Variants in TASP1 observed in about 807,000 individuals in gnomAD.
The protein encoded by TASP1 is threonine aspartase 1.
A neutral mutation model predicts 56.6 loss-of-function variants in TASP1; 16 were observed. The ratio of observed to expected loss-of-function variants is 0.28; its 90% CI spans 0.19 to 0.43. The LOEUF is 0.43. Among genes scored for constraint, TASP1 ranks in the 20% least tolerant of loss-of-function variants. The pLI, the probability that TASP1 is intolerant of heterozygous loss-of-function variation, is 1.00. For missense variants in TASP1, 393 were observed against 511.6 expected, an observed-to-expected ratio of 0.77 and a Z score of 2.24; for synonymous variants, 179 against 184.2, an observed-to-expected ratio of 0.97 and a Z score of 0.23.
Position 13,417,511 on chromosome 20 carries a change from C to A in TASP1, c.1107G>T (p.Leu369=), listed in dbSNP as rs1467090076. The A allele has an allele frequency of 6.2e-7, 1 of 1,614,138 alleles. No individual in the cohort carries two copies. The highest frequency in any genetic ancestry group is 8.5e-7 in the Non-Finnish European group (1 of 1,179,998). Residue 369 remains leucine (L), a synonymous_variant, in exon 13 of 14, where the codon CTG becomes CTT. Coordinates refer to ENST00000337743, the MANE Select transcript of TASP1 (RefSeq NM_017714.3). ...QNKQTLLVEF[L]WSHTTESMCV... is the part of the protein sequence containing the mutation. Reference sequence around the variant, plus strand: ...ACATGCTCTCCGTCGTGTGGCTCCACAGAAATTCCACTGCCATAAAAGAGA... The same window carrying A: ...ACATGCTCTCCGTCGTGTGGCTCCAAAGAAATTCCACTGCCATAAAAGAGA...
the TASP1 span, among the ~76,000 whole-genome samples, chr20:13,279,274 G>T: frequency 6.6e-6 from 1 of 152,264 alleles, no homozygotes; most frequent in Middle Eastern, 3.4e-3. Context: ...CTGAGTGAAA[G>T]GCTTCTCAAT....
intron 11 of TASP1, among the ~76,000 whole-genome samples, chr20:13,476,259 T>C (rs112753991): frequency 5.9e-5 from 9 of 152,242 alleles, no homozygotes; most frequent in African/African-American, 1.9e-4. Context: ...TTTAGATTCA[T>C]ATATGAGATT....
chr20:13,468,586 T>C (rs1389130894), intron 11 of TASP1, among the ~76,000 whole-genome samples: 1 of 152,162 alleles, frequency 6.6e-6, no homozygotes, highest in African/African-American at 2.4e-5. Context: ...TATTTATTCA[T>C]CTAATCCACC....
chr20:13,153,571 G>T, the TASP1 span, among the ~76,000 whole-genome samples: 1 of 152,042 alleles, frequency 6.6e-6, no homozygotes, highest in Non-Finnish European at 1.5e-5. Flanking sequence ...ACAATTTAAT[G>T]AGCCAATTCA....
the TASP1 span, among the ~76,000 whole-genome samples, chr20:13,218,408 T>C: frequency 6.6e-6 from 1 of 151,988 alleles, no homozygotes; most frequent in Admixed American, 6.5e-5. Context: ...CTCATAGCCA[T>C]GAACCCAGAA....
the TASP1 span, among the ~76,000 whole-genome samples, chr20:13,187,260 G>A: frequency 6.6e-6 from 1 of 152,046 alleles, no homozygotes. Flanking sequence ...TAGAACATAT[G>A]AGTAATGGAA....
chr20:13,429,615 AGT>A lies in TASP1; in HGVS notation c.1096+5427_1096+5428del, dbSNP rs36104978. 1.1e-3 allele frequency among the ~76,000 whole-genome samples: 167 copies of A among 148,416 alleles called. 1 individual carries two copies. The highest frequency in any genetic ancestry group is 8.9e-3 in the East Asian group (45 of 5,032). On this transcript the variant is annotated intron_variant, in intron 12 of 13. Coordinates refer to ENST00000337743, the MANE Select transcript of TASP1 (RefSeq NM_017714.3). ...AATTCACCAGCACAGGGTGTGTGTG[AGT>A]GTGTGTGTGTGTGTGTGTCTGTCTG... is the stretch of plus-strand genomic sequence containing the variant.
chr20:13,186,232 C>T, the TASP1 span, among the ~76,000 whole-genome samples: 4 of 152,130 alleles, frequency 2.6e-5, no homozygotes, highest in African/African-American at 9.7e-5. Context: ...CTGGCTCTGG[C>T]TGGGTATAGG....
the TASP1 span, chr20:13,160,140 C>A: frequency 2.4e-5 from 38 of 1,612,396 alleles, no homozygotes; most frequent in Admixed American, 6.2e-4. Flanking sequence ...ACGGTGAGTA[C>A]ACCACAGGCC....
the TASP1 span, among the ~76,000 whole-genome samples, chr20:13,242,209 AC>A: frequency 6.6e-6 from 1 of 152,188 alleles, no homozygotes; most frequent in Non-Finnish European, 1.5e-5. Flanking sequence ...GAGGTCATCT[AC>A]ATGGATGTTG....
At chr20:13,261,313 G>A in the TASP1 span, among the ~76,000 whole-genome samples, 1 of 152,004 alleles carries the variant, frequency 6.6e-6, no homozygotes, top group African/African-American at 2.4e-5. Flanking sequence ...AGCTACTCTG[G>A]AGGCTGAGGC....
At chr20:13,292,996 A>C in the TASP1 span, among the ~76,000 whole-genome samples, 1 of 152,042 alleles carries the variant, frequency 6.6e-6, no homozygotes, top group African/African-American at 2.4e-5. Context: ...GGAGATCAAG[A>C]CCATCCTGAC....
chr20:13,109,813 C>T, the TASP1 span, among the ~76,000 whole-genome samples: 1 of 152,164 alleles, frequency 6.6e-6, no homozygotes, highest in Non-Finnish European at 1.5e-5. Context: ...ATGCATTTAA[C>T]GTAGAATTTC....
intron 6 of TASP1, among the ~76,000 whole-genome samples, chr20:13,572,514 T>C (rs1221604824): frequency 6.6e-6 from 1 of 151,918 alleles, no homozygotes; most frequent in African/African-American, 2.4e-5. Context: ...TGAAACCCTG[T>C]CTTTACCAAA....
chr20:13,444,100 GATGTGCATGT>G (rs1355515942), intron 11 of TASP1, among the ~76,000 whole-genome samples: 1 of 152,152 alleles, frequency 6.6e-6, no homozygotes, highest in East Asian at 1.9e-4. Flanking sequence ...AGTAGTCTCT[GATGTGCATGT>G]ATAGTGTTAG....
chr20:13,393,265 AG>A, intron 13 of TASP1: 2 of 742,438 alleles, frequency 2.7e-6, no homozygotes, highest in Non-Finnish European at 2.5e-6. Context: ...CTGTGGCATG[AG>A]GGCTGTGTGG....
At chr20:13,574,384 C>T (rs1048177906) in intron 6 of TASP1, among the ~76,000 whole-genome samples, 1 of 152,016 alleles carries the variant, frequency 6.6e-6, no homozygotes, top group Non-Finnish European at 1.5e-5. Context: ...TTTTAAAATA[C>T]AAAAATACAC....
At position 13,503,276 on chromosome 20, in the gene TASP1, A is replaced by T; in HGVS notation, c.875-19939T>A. ...TATTCACAACACCTTCCCCCAGGCC[A>T]ACTCCCCAAGCATGACCCCATGGAT... On this transcript the variant is annotated intron_variant, in intron 10 of 13. Coordinates refer to ENST00000337743, the MANE Select transcript of TASP1 (RefSeq NM_017714.3). 1.3e-5 allele frequency among the ~76,000 whole-genome samples: 2 copies of T among 152,054 alleles called. 1 individual carries two copies. Among genetic ancestry groups the T allele is most frequent in the Non-Finnish European group, 2.9e-5 (2 of 67,994 alleles).
At chr20:13,308,963 C>T in the TASP1 span, among the ~76,000 whole-genome samples, 1 of 152,078 alleles carries the variant, frequency 6.6e-6, no homozygotes, top group East Asian at 1.9e-4. Flanking sequence ...AAAATCTGGC[C>T]ATGCTAGCAC....
Sources: allele counts gnomAD v4.1 joint callset (sites outside exome capture counted in the v4.1 genomes callset), GRCh38; gene constraint gnomAD v4.1.1; transcripts MANE v1.5; gene names NCBI Gene and HGNC (gene_info 2026-07-23, HGNC 2026-07-21).